C13orf42: variants seen among roughly 807,000 people sequenced by gnomAD.
C13orf42 encodes the protein uncharacterized protein C13orf42.
chr13:51,110,875 T>C lies in C13orf42; in HGVS notation c.335A>G (p.Gln112Arg). 1 of 398,646 alleles carries C rather than the reference T, an allele frequency of 2.5e-6. No individual in the cohort carries two copies. Among genetic ancestry groups the C allele is most frequent in the Non-Finnish European group, 4.4e-6 (1 of 226,080 alleles). 24.7% of individuals were successfully genotyped at this position (398,646 alleles called of 1,614,324 possible). A position where few individuals can be genotyped will look rare whatever the true frequency, so the allele number is the denominator to read the frequency against. ...TTTGGAGGAGGTTGAGGAAATCCCC[T>C]GGGTGCGGTGGGGCTTCAGATCACT... ...SFSDLKPHRT[Q>R]GISSTSSKSS... is the part of the protein sequence containing the mutation. The change falls in exon 1 of 4, where the codon CAG becomes CGG. Residue 112 changes from glutamine (Q) to arginine (R), a missense_variant. By Grantham distance (43) the Gln-to-Arg change is conservative. Coordinates refer to ENST00000563710, the MANE Select transcript of C13orf42 (RefSeq NM_001351589.3).
intron 1 of C13orf42, among the ~76,000 whole-genome samples, chr13:51,135,168 C>T (rs1593547125): frequency 6.6e-6 from 1 of 152,206 alleles, no homozygotes; most frequent in Non-Finnish European, 1.5e-5. Context: ...CACAGCTGCT[C>T]AGCCTGGCAG....
intron 1 of C13orf42, among the ~76,000 whole-genome samples, chr13:51,155,769 T>C (rs1953819902): frequency 1.3e-5 from 2 of 152,196 alleles, no homozygotes; most frequent in African/African-American, 4.8e-5. Flanking sequence ...ATTTCTTACT[T>C]CCAAGTCTTG....
intron 1 of C13orf42, among the ~76,000 whole-genome samples, chr13:51,154,296 G>A (rs9568534): frequency 6.6e-6 from 1 of 152,124 alleles, no homozygotes. Flanking sequence ...CATGAACACG[G>A]TATGCAACTA....
chr13:51,166,094 C>T (rs1365248657), intron 1 of C13orf42, among the ~76,000 whole-genome samples: 1 of 152,182 alleles, frequency 6.6e-6, no homozygotes, highest in Non-Finnish European at 1.5e-5. Flanking sequence ...ACTGCTCTAA[C>T]TTACATAACA....
At chr13:51,170,285 TTGG>T (rs1449129943) in intron 1 of C13orf42, among the ~76,000 whole-genome samples, 4 of 152,184 alleles carry the variant, frequency 2.6e-5, no homozygotes, top group African/African-American at 9.7e-5. Context: ...CAAAGCCTGT[TTGG>T]TGGTCTCTTC....
At chr13:51,160,534 G>C (rs1482215471) in intron 1 of C13orf42, among the ~76,000 whole-genome samples, 1 of 152,080 alleles carries the variant, frequency 6.6e-6, no homozygotes, top group Non-Finnish European at 1.5e-5. Flanking sequence ...AAATAAATTT[G>C]ATTTGCTTCT....
rs1953092088 is a variant in C13orf42, at chr13:51,083,949, A to G, written c.*202T>C. The G allele has an allele frequency of 7.9e-6, 3 of 378,196 alleles. No homozygotes were observed. Among genetic ancestry groups the G allele is most frequent in the Non-Finnish European group, 1.4e-5 (3 of 213,448 alleles). 23.4% of individuals were successfully genotyped at this position (378,196 alleles called of 1,614,324 possible). ...TCATCAGCCCACGCAGAGAAACTCA[A>G]GCTCTGAGAGTGTCCTGAGACCTGT... On this transcript the variant is annotated 3_prime_UTR_variant, in exon 4 of 4. Transcript: ENST00000563710.
In C13orf42 at chr13:51,097,323, G is replaced by A. The variant is rs557473916; in HGVS notation, c.415-9248C>T. On this transcript the variant is annotated intron_variant, in intron 1 of 3. Coordinates refer to ENST00000563710, the MANE Select transcript of C13orf42 (RefSeq NM_001351589.3). ...AGCTTGTTCTGGGTGTCTTAATGAGGGAATGGTGAGCATCAAGTAATCTGG... is the reference window on the plus strand; with the variant it reads ...AGCTTGTTCTGGGTGTCTTAATGAGAGAATGGTGAGCATCAAGTAATCTGG... Among the ~76,000 whole-genome samples, 31 of 152,288 alleles carry A rather than the reference G, an allele frequency of 2.0e-4. 1 individual carries two copies. The South Asian group carries it at 6.0e-3, about 30-fold the overall frequency.
intron 1 of C13orf42, among the ~76,000 whole-genome samples, chr13:51,117,307 T>C (rs762086595): frequency 3.3e-5 from 5 of 152,226 alleles, no homozygotes; most frequent in African/African-American, 9.6e-5. Context: ...GTGCCCAAAA[T>C]TGAGTTTCAT....
At chr13:51,156,409 A>G (rs191567152) in intron 1 of C13orf42, among the ~76,000 whole-genome samples, 2 of 152,338 alleles carry the variant, frequency 1.3e-5, no homozygotes, top group East Asian at 3.9e-4. Context: ...CATAGCTGCC[A>G]CTACGCCCTT....
intron 1 of C13orf42, among the ~76,000 whole-genome samples, chr13:51,130,853 TA>T (rs146562175): frequency 0.19 from 28,149 of 147,916 alleles, 3,052 homozygotes; most frequent in South Asian, 0.31. Flanking sequence ...GTGTTTTTGG[TA>T]AAAAAAAAAT....
intron 1 of C13orf42, among the ~76,000 whole-genome samples, chr13:51,148,045 C>A (rs949966195): frequency 6.6e-6 from 1 of 152,188 alleles, no homozygotes; most frequent in Non-Finnish European, 1.5e-5. Flanking sequence ...TCCCCCAACA[C>A]ATGGAACCAA....
intron 1 of C13orf42, among the ~76,000 whole-genome samples, chr13:51,137,723 T>A (rs1397507748): frequency 1.3e-5 from 2 of 152,168 alleles, no homozygotes; most frequent in East Asian, 3.8e-4. Context: ...ATTACAAAAC[T>A]AGTATGTATC....
In C13orf42 at chr13:51,110,801, T is replaced by C. The variant is rs1486108276; in HGVS notation, c.409A>G (p.Ile137Val). 3 of 398,514 alleles carry C rather than the reference T, an allele frequency of 7.5e-6. No homozygotes were observed. The highest frequency in any genetic ancestry group is 8.8e-6 in the Non-Finnish European group (2 of 226,084). 24.7% of individuals were successfully genotyped at this position (398,514 alleles called of 1,614,324 possible). ...TACTGCTCAGCAGCACTTACCTTTATTTCTTTGGGAGTAGACCGGACAGGA... is the reference window on the plus strand; with the variant it reads ...TACTGCTCAGCAGCACTTACCTTTACTTCTTTGGGAGTAGACCGGACAGGA... The part of the protein sequence containing the change: ...KTPVRSTPKE[I>V]KKATPKKYSQ... Residue 137 changes from isoleucine (I) to valine (V), a missense_variant, in exon 1 of 4, where the codon ATA becomes GTA. Coordinates refer to ENST00000563710, the MANE Select transcript of C13orf42 (RefSeq NM_001351589.3).
chr13:51,114,641 TAGATAG>T (rs1953468696), upstream of C13orf42, among the ~76,000 whole-genome samples: 1 of 92,054 alleles, frequency 1.1e-5, no homozygotes, highest in African/African-American at 4.4e-5. Context: ...GATAGATAGA[TAGATAG>T]AGATAGACAG....
intron 1 of C13orf42, among the ~76,000 whole-genome samples, chr13:51,103,821 A>T (rs560501392): frequency 6.6e-6 from 1 of 152,336 alleles, no homozygotes; most frequent in East Asian, 1.9e-4. Context: ...TATGTCAGGT[A>T]CTAAAATGGG....
intron 1 of C13orf42, among the ~76,000 whole-genome samples, chr13:51,105,855 G>T (rs915120605): frequency 6.6e-6 from 1 of 152,150 alleles, no homozygotes; most frequent in African/African-American, 2.4e-5. Flanking sequence ...TTGACAGTAT[G>T]AGTTTCGACA....
intron 1 of C13orf42, among the ~76,000 whole-genome samples, chr13:51,136,073 C>A (rs574017774): frequency 6.6e-6 from 1 of 152,256 alleles, no homozygotes; most frequent in East Asian, 1.9e-4. Flanking sequence ...CATCCGCAAA[C>A]TTCCCACTTC....
chr13:51,122,480 A>T (rs868576832), intron 1 of C13orf42, among the ~76,000 whole-genome samples: 1 of 151,748 alleles, frequency 6.6e-6, no homozygotes, highest in South Asian at 2.1e-4. Flanking sequence ...GTTGCAGTAA[A>T]CCAAGATTGC....
Sources: gnomAD v4.1 joint callset for allele counts (sites outside exome capture counted in the v4.1 genomes callset) on GRCh38, gnomAD v4.1.1 for gene constraint, MANE v1.5 for transcripts, NCBI Gene and HGNC (gene_info 2026-07-23, HGNC 2026-07-21) for gene names.